TANGO6: variants seen among roughly 807,000 people sequenced by gnomAD.
TANGO6 encodes the protein transport and golgi organization 6 homolog.
In TANGO6, 90 loss-of-function variants were observed where a neutral mutation model predicts 114.2. The observed-to-expected ratio is 0.79, with a 90% CI of 0.66 to 0.94. TANGO6 has a LOEUF of 0.94. Among genes scored for constraint, TANGO6 ranks in the 40% least tolerant of loss-of-function variants. The pLI, the probability that TANGO6 is intolerant of heterozygous loss-of-function variation, is 0.00. For missense variants in TANGO6, 1,274 were observed against 1,315.3 expected (o/e 0.97, Z 0.49); for synonymous variants, 477 against 509.8 (o/e 0.94, Z 0.87).
intron 4 of TANGO6, among the ~76,000 whole-genome samples, chr16:68,869,212 G>T (rs994579694): frequency 6.6e-6 from 1 of 152,298 alleles, no homozygotes; most frequent in East Asian, 1.9e-4. Flanking sequence ...GGCTGGGCAT[G>T]GTGGCTCATG....
rs375863150 is a variant in TANGO6, at chr16:68,916,049, T to C, written c.1993-3036T>C. 7.2e-5 allele frequency among the ~76,000 whole-genome samples: 11 copies of C among 152,326 alleles called. 1 individual carries two copies. The highest frequency in any genetic ancestry group is 2.0e-4 in the Admixed American group (3 of 15,292). On this transcript the variant is annotated intron_variant, in intron 11 of 17. Transcript: ENST00000261778. ...ACTTAAGTTGATTAATCCAAATGCA[T>C]TGAAAATGATGCTGACCAAATTAAT...
intron 4 of TANGO6, 99 bp from the exon 5 acceptor site, chr16:68,875,055 A>G: frequency 4.6e-6 from 6 of 1,304,660 alleles, no homozygotes; most frequent in South Asian, 1.7e-5. Context: ...AATAGAAAAG[A>G]TAAATGCATT....
chr16:68,915,571 G>C (rs1261498626), intron 11 of TANGO6, among the ~76,000 whole-genome samples: 1 of 152,170 alleles, frequency 6.6e-6, no homozygotes, highest in Non-Finnish European at 1.5e-5. Flanking sequence ...GCTAAGGAGT[G>C]CTTTAGAAGA....
At chr16:68,861,772 C>A (rs576341519) in intron 2 of TANGO6, among the ~76,000 whole-genome samples, 1 of 152,272 alleles carries the variant, frequency 6.6e-6, no homozygotes, top group African/African-American at 2.4e-5. Context: ...AAGTAGCACC[C>A]ATACCTCAGT....
intron 3 of TANGO6, among the ~76,000 whole-genome samples, chr16:68,866,552 A>G (rs2152161349): frequency 6.6e-6 from 1 of 150,478 alleles, no homozygotes; most frequent in African/African-American, 2.4e-5. Context: ...GAACCCGGGA[A>G]GCGGAGCTTG....
chr16:69,055,625 G>A (rs1337677083), intron 17 of TANGO6, among the ~76,000 whole-genome samples: 1 of 152,244 alleles, frequency 6.6e-6, no homozygotes, highest in Non-Finnish European at 1.5e-5. Context: ...AGTCATTTGT[G>A]CAAAGTCAGG....
intron 15 of TANGO6, 120 bp downstream of exon 15, chr16:68,974,288 G>A: frequency 9.0e-7 from 1 of 1,116,518 alleles, no homozygotes; most frequent in South Asian, 1.4e-5. Context: ...TGAGGGCTGG[G>A]ATGTACCCAT....
At chr16:68,952,178 G>A (rs967914918) in intron 14 of TANGO6, among the ~76,000 whole-genome samples, 1 of 152,128 alleles carries the variant, frequency 6.6e-6, no homozygotes, top group African/African-American at 2.4e-5. Context: ...GCAGAACAGC[G>A]ATTTAAATTT....
intron 7 of TANGO6, among the ~76,000 whole-genome samples, chr16:68,884,981 C>G (rs1478977779): frequency 6.6e-6 from 1 of 152,230 alleles, no homozygotes; most frequent in Non-Finnish European, 1.5e-5. Context: ...ATTATTCTCT[C>G]TGCAAGGTTT....
At chr16:68,962,712 G>C (rs996632487) in intron 14 of TANGO6, among the ~76,000 whole-genome samples, 5 of 151,880 alleles carry the variant, frequency 3.3e-5, no homozygotes, top group Non-Finnish European at 7.4e-5. Flanking sequence ...GGTGAGTCAA[G>C]ATTGCGCCAT....
rs184525636 is a variant in TANGO6, at chr16:69,060,261, G to A, written c.3108+19840G>A. On this transcript the variant is annotated intron_variant, in intron 17 of 17. Transcript: ENST00000261778. ...TTGAACTCCTGGGCTCAAGTGATCC[G>A]CCCATCTCAGCCTCCCAGAGTTCTA... Among the ~76,000 whole-genome samples, 64 of 152,062 alleles carry A rather than the reference G, an allele frequency of 4.2e-4. No homozygotes were observed. The East Asian group carries it at 9.1e-3, about 22-fold the overall frequency.
At chr16:68,962,882 C>T (rs946398486) in intron 14 of TANGO6, among the ~76,000 whole-genome samples, 18 of 151,010 alleles carry the variant, frequency 1.2e-4, no homozygotes, top group Admixed American at 9.9e-4. Context: ...GAGATCGAGA[C>T]CATCTCTGTG....
rs373017868 is a variant in TANGO6, at chr16:68,974,024, C to G, written c.2702-4C>G. 2.7e-5 allele frequency: 44 copies of G among 1,600,898 alleles called. No individual in the cohort carries two copies. The highest frequency in any genetic ancestry group is 3.7e-5 in the Non-Finnish European group (43 of 1,173,900). ...GAATCCTTTCTTTTTGTTTTCAACC[C>G]CAGGGGTTGCCCTGCTGTCAGACGT... is the stretch of plus-strand genomic sequence containing the variant. On this transcript the variant is annotated splice_polypyrimidine_tract_variant and splice_region_variant and intron_variant, in intron 14 of 17. Transcript: ENST00000261778.
chr16:69,065,649 C>T (rs1468097440), intron 17 of TANGO6, among the ~76,000 whole-genome samples: 3 of 152,198 alleles, frequency 2.0e-5, no homozygotes, highest in South Asian at 4.1e-4. Flanking sequence ...GCTCAGTAAC[C>T]TCCAGTTAAT....
intron 14 of TANGO6, among the ~76,000 whole-genome samples, chr16:68,946,738 G>A (rs1963418419): frequency 6.6e-6 from 1 of 152,158 alleles, no homozygotes; most frequent in African/African-American, 2.4e-5. Flanking sequence ...CTGGGGTCAA[G>A]TAATCTGCCT....
At chr16:69,062,719 C>A (rs907334975) in intron 17 of TANGO6, among the ~76,000 whole-genome samples, 5 of 149,868 alleles carry the variant, frequency 3.3e-5, no homozygotes, top group South Asian at 4.2e-4. Flanking sequence ...GTGATCCACC[C>A]ACCTCGGCCT....
intron 9 of TANGO6, among the ~76,000 whole-genome samples, chr16:68,903,694 G>GGTA (rs1270953269): frequency 2.0e-5 from 3 of 151,324 alleles, no homozygotes; most frequent in Non-Finnish European, 4.4e-5. Context: ...GGCCGAGGTG[G>GGTA]GTAGATCACT....
intron 16 of TANGO6, among the ~76,000 whole-genome samples, chr16:69,027,742 A>G (rs1328411155): frequency 6.6e-6 from 1 of 151,646 alleles, no homozygotes; most frequent in Non-Finnish European, 1.5e-5. Context: ...TAAACTGTGT[A>G]CTAAAACAAG....
chr16:69,066,368 C>T (rs1297366515), intron 17 of TANGO6, among the ~76,000 whole-genome samples: 3 of 152,134 alleles, frequency 2.0e-5, no homozygotes, highest in Non-Finnish European at 2.9e-5. Flanking sequence ...GATCTTGGCT[C>T]GCTGCAACCT....
Sources: allele counts gnomAD v4.1 joint callset (sites outside exome capture counted in the v4.1 genomes callset), GRCh38; gene constraint gnomAD v4.1.1; transcripts MANE v1.5; gene names NCBI Gene and HGNC (gene_info 2026-07-23, HGNC 2026-07-21).